Variants in SPATA6L observed in about 807,000 individuals in gnomAD.
SPATA6L encodes spermatogenesis associated 6 like.
SPATA6L carries 68 observed loss-of-function variants against 49.2 expected under a neutral mutation model. The observed-to-expected ratio is 1.38, with a 90% CI of 1.14 to 1.69. The LOEUF (loss-of-function observed/expected upper bound fraction) is 1.69. SPATA6L is among the 40% of genes most tolerant of loss of function. SPATA6L has a pLI of 0.00. For synonymous variants in SPATA6L, 198 were observed against 165.7 expected, an observed-to-expected ratio of 1.19 and a Z score of -1.50; for missense variants, 668 against 464.3, an observed-to-expected ratio of 1.44 and a Z score of -4.03.
intron 5 of SPATA6L, chr9:4,627,001 T>G (rs1830473460): frequency 6.6e-6 from 1 of 152,398 alleles, no homozygotes; most frequent in African/African-American, 2.4e-5. Context: ...TTTTAAGTTT[T>G]GGGTCCTTTT....
rs1838099711 is a variant in SPATA6L, at chr9:4,656,061, GC to G, written c.205del (p.Ala69LeufsTer2). On this transcript the variant is annotated frameshift_variant, in exon 3 of 12. Transcript: ENST00000682582. LOFTEE classifies it high-confidence loss of function. ...KVFESAVDPG[A>X]VVDLLEMWDE... ...CCTACTTTCCAAAAGGTCTACTACA[GC>G]TCCAGGATCTACTGCACTTTCAAAT... 6.2e-7 allele frequency: 1 copy of G among 1,612,812 alleles called. No homozygotes were observed. Among genetic ancestry groups the G allele is most frequent in the African/African-American group, 1.3e-5 (1 of 74,874 alleles).
chr9:4,596,264 T>C (rs1337061939), downstream of SPATA6L, among the ~76,000 whole-genome samples: 1 of 152,144 alleles, frequency 6.6e-6, no homozygotes, highest in Non-Finnish European at 1.5e-5. Context: ...GTTTAACAAA[T>C]ACAAGTTGAG....
At chr9:4,635,136 T>C (rs910408569) in intron 4 of SPATA6L, 139 bp downstream of exon 4, 1 of 801,200 alleles carries the variant, frequency 1.2e-6, no homozygotes, top group East Asian at 3.2e-5. Flanking sequence ...GTACCTTGAG[T>C]TGGGCATCAA....
chr9:4,594,371 G>A (rs1261924248), downstream of SPATA6L, among the ~76,000 whole-genome samples: 3 of 152,080 alleles, frequency 2.0e-5, no homozygotes, highest in Non-Finnish European at 4.4e-5. Flanking sequence ...CAGCATGCCT[G>A]GCTAACTTTT....
Position 4,662,856 on chromosome 9 carries a change from G to A in SPATA6L, c.40-820C>T. 1 of 1,605,274 alleles carries A rather than the reference G, an allele frequency of 6.2e-7. No individual in the cohort carries two copies. ...CTGCCTGTGCAGGAGCGACAGCTGG[G>A]CCGGGCGCGAGGTGCTGATGAACCT... On this transcript the variant is annotated intron_variant, in intron 1 of 11. Coordinates refer to ENST00000682582, the MANE Select transcript of SPATA6L (RefSeq NM_001353486.2). This position sits in a 1 kb window ranked among gnomAD's most constrained non-coding sequence, Gnocchi z 4.9.
intron 9 of SPATA6L, among the ~76,000 whole-genome samples, chr9:4,613,980 C>A (rs1191431477): frequency 5.3e-5 from 8 of 151,788 alleles, no homozygotes; most frequent in Non-Finnish European, 8.8e-5. Context: ...ACTGTAAATT[C>A]TTTTTCATAG....
chr9:4,624,290 G>A (rs1303167196), intron 6 of SPATA6L, among the ~76,000 whole-genome samples: 1 of 152,094 alleles, frequency 6.6e-6, no homozygotes, highest in East Asian at 1.9e-4. Context: ...TTACAACTTT[G>A]TGGAAAAAAT....
At chr9:4,653,551 C>T (rs1837392394) in intron 3 of SPATA6L, among the ~76,000 whole-genome samples, 1 of 152,094 alleles carries the variant, frequency 6.6e-6, no homozygotes. Flanking sequence ...AAAATACCAT[C>T]AAGAAAGTGA....
At position 4,661,997 on chromosome 9, in the gene SPATA6L, C is replaced by T. The variant is rs2130801302; in HGVS notation, c.79G>A (p.Val27Met). Residue 27 changes from valine to methionine, a missense_variant, in exon 2 of 12, where the codon GTG becomes ATG. By Grantham distance (21) the Val-to-Met change is conservative. Transcript: ENST00000682582. ...TTCATGAGGTAGACCCCGAGGTACA[C>T]ATCTTGTTTGCCAGGCAGGAACACT... ...PGVFLPGKQDVYLGVYLMNQY... is the reference protein window; with the variant it reads ...PGVFLPGKQDMYLGVYLMNQY... 1 of 1,614,096 alleles carries T rather than the reference C, an allele frequency of 6.2e-7. No homozygotes were observed. The highest frequency in any genetic ancestry group is 8.5e-7 in the Non-Finnish European group (1 of 1,179,980).
chr9:4,663,078 C>T, intron 1 of SPATA6L: 1 of 1,614,086 alleles, frequency 6.2e-7, no homozygotes, highest in Non-Finnish European at 8.5e-7. Flanking sequence ...GGCCATTCCA[C>T]TGAGGGTGCT....
chr9:4,626,463 T>G (rs1830373203), intron 5 of SPATA6L: 1 of 1,304,334 alleles, frequency 7.7e-7, no homozygotes, highest in South Asian at 1.2e-5. Flanking sequence ...AAAGCAGCCC[T>G]TCTCCAGAGG....
chr9:4,636,317 A>G (rs1587291010), intron 3 of SPATA6L, among the ~76,000 whole-genome samples: 1 of 152,174 alleles, frequency 6.6e-6, no homozygotes, highest in South Asian at 2.1e-4. Flanking sequence ...TTTTTCCTTT[A>G]TATTACAATC....
chr9:4,597,276 A>G (rs1211233946), downstream of SPATA6L, among the ~76,000 whole-genome samples: 1 of 151,238 alleles, frequency 6.6e-6, no homozygotes, highest in Non-Finnish European at 1.5e-5. Context: ...ATATAGGGAG[A>G]CTCCTTCTCT....
At chr9:4,660,852 T>TA (rs1239925130) in intron 2 of SPATA6L, among the ~76,000 whole-genome samples, 2 of 152,116 alleles carry the variant, frequency 1.3e-5, no homozygotes, top group Non-Finnish European at 2.9e-5. Flanking sequence ...TATGCAGCCA[T>TA]AAAAAAGGAT....
At chr9:4,620,102 C>T (rs931878074) in intron 7 of SPATA6L, among the ~76,000 whole-genome samples, 3 of 152,102 alleles carry the variant, frequency 2.0e-5, no homozygotes, top group Non-Finnish European at 2.9e-5. Context: ...GTGTGTGCCA[C>T]CTTGTCCCAG....
At chr9:4,601,233 T>A (rs2130028430) in intron 11 of SPATA6L, among the ~76,000 whole-genome samples, 1 of 152,294 alleles carries the variant, frequency 6.6e-6, no homozygotes, top group Middle Eastern at 3.4e-3. Flanking sequence ...CACTCCCTTC[T>A]TTCTTCCTTT....
chr9:4,634,932 C>T (rs1012190928), intron 4 of SPATA6L, among the ~76,000 whole-genome samples: 1 of 152,020 alleles, frequency 6.6e-6, no homozygotes, highest in Non-Finnish European at 1.5e-5. Flanking sequence ...AAATTGAAAG[C>T]GCAAAATAAA....
intron 9 of SPATA6L, among the ~76,000 whole-genome samples, chr9:4,610,504 C>G (rs1826435810): frequency 7.2e-6 from 1 of 138,000 alleles, no homozygotes; most frequent in Admixed American, 7.4e-5. Flanking sequence ...ATATCTACAA[C>G]TATCTGATCT....
At chr9:4,589,164 A>C (rs1337802542) in intron 13 of SPATA6L, among the ~76,000 whole-genome samples, 1 of 152,246 alleles carries the variant, frequency 6.6e-6, no homozygotes, top group African/African-American at 2.4e-5. Flanking sequence ...ATGAAATAGG[A>C]ATAAAAATTA....
Sources: allele counts gnomAD v4.1 joint callset (sites outside exome capture counted in the v4.1 genomes callset), GRCh38; gene constraint gnomAD v4.1.1; non-coding constraint Gnocchi (gnomAD v3.1); transcripts MANE v1.5; gene names NCBI Gene and HGNC (gene_info 2026-07-23, HGNC 2026-07-21).